ESCO2: variants seen among roughly 807,000 people sequenced by gnomAD.
ESCO2 encodes the protein establishment of sister chromatid cohesion N-acetyltransferase 2.
In ESCO2, 51 loss-of-function variants were observed where a neutral mutation model predicts 61.7. The ratio of observed to expected loss-of-function variants is 0.83; its 90% CI spans 0.66 to 1.04. ESCO2 has a LOEUF of 1.04. Among genes scored for constraint, ESCO2 ranks in the 50% least tolerant of loss-of-function variants. The pLI is 0.00. For missense variants in ESCO2, 692 were observed against 686.2 expected (o/e 1.01, Z -0.09); for synonymous variants, 230 against 238.2 (o/e 0.97, Z 0.32).
At chr8:27,788,162 A>T (rs1277042304) in intron 6 of ESCO2, among the ~76,000 whole-genome samples, 160 bp downstream of exon 6, 2 of 152,126 alleles carry the variant, frequency 1.3e-5, no homozygotes, top group Non-Finnish European at 2.9e-5. Flanking sequence ...AATATTCTTG[A>T]ATTTATCTGT....
chr8:27,777,002 C>A lies in ESCO2; in HGVS notation c.694C>A (p.Arg232Ser), dbSNP rs773712638. Reference protein sequence around the residue: ...SSLENEPSLGRTQKSKSEVIE... With the variant: ...SSLENEPSLGSTQKSKSEVIE... ...CCTGGAAAATGAGCCGTCACTGGGA[C>A]GCACCCAAAAGAGTAAATCAGAAGT... Residue 232 changes from arginine (R) to serine (S), a missense_variant, in exon 3 of 11, where the codon CGC (arginine) becomes AGC (serine). Transcript: ENST00000305188. 53 of 1,612,524 alleles carry A rather than the reference C, an allele frequency of 3.3e-5. No individual in the cohort carries two copies. The highest frequency in any genetic ancestry group is 4.4e-5 in the Non-Finnish European group (52 of 1,179,704).
chr8:27,772,561 G>A, upstream of ESCO2: 6 of 1,548,840 alleles, frequency 3.9e-6, no homozygotes, highest in Non-Finnish European at 5.2e-6. Context: ...GCGGTGCGGT[G>A]ACTCCACCGC....
rs1805521386 is a variant in ESCO2 at position 27,804,556 on chromosome 8, A to T, written c.*1118A>T. The T allele has an allele frequency of 1.0e-6, 1 of 985,320 alleles. No individual in the cohort carries two copies. Among genetic ancestry groups the T allele is most frequent in the African/African-American group, 1.7e-5 (1 of 57,244 alleles). 61.0% of individuals were successfully genotyped at this position (985,320 alleles called of 1,614,324 possible). Reference sequence around the variant, plus strand: ...CACATTTTTCTAGTGTAATTCTTGGATACTTTAAAAAGCAAAACATTGTTC... The same window carrying T: ...CACATTTTTCTAGTGTAATTCTTGGTTACTTTAAAAAGCAAAACATTGTTC... On this transcript the variant is annotated 3_prime_UTR_variant, in exon 11 of 11. Transcript: ENST00000305188.
At chr8:27,801,899 A>G (rs879696352) in intron 10 of ESCO2, among the ~76,000 whole-genome samples, 3 of 148,298 alleles carry the variant, frequency 2.0e-5, no homozygotes, top group Non-Finnish European at 4.5e-5. Flanking sequence ...GAAATTTAAT[A>G]TTGATGTAAT....
At chr8:27,798,129 T>C (rs1805342761) in intron 9 of ESCO2, among the ~76,000 whole-genome samples, 3 of 152,168 alleles carry the variant, frequency 2.0e-5, no homozygotes, top group African/African-American at 7.2e-5. Context: ...TGTAAAATAT[T>C]ACAGCCACTC....
chr8:27,818,908 T>C, the ESCO2 span, among the ~76,000 whole-genome samples: 5 of 152,180 alleles, frequency 3.3e-5, no homozygotes, highest in South Asian at 2.1e-4. Context: ...AGTGTAAGGA[T>C]AGAAAACAGC....
downstream of ESCO2, among the ~76,000 whole-genome samples, chr8:27,816,666 G>A (rs1805821338): frequency 6.6e-6 from 1 of 151,874 alleles, no homozygotes; most frequent in Non-Finnish European, 1.5e-5. Context: ...GTCAGCCACT[G>A]CGCCCAGCCA....
chr8:27,801,103 TCA>T (rs1446869195), intron 10 of ESCO2, among the ~76,000 whole-genome samples: 1 of 152,158 alleles, frequency 6.6e-6, no homozygotes, highest in Admixed American at 6.5e-5. Context: ...GAGTTATATC[TCA>T]ACCAAAAAAA....
intron 2 of ESCO2, 124 bp downstream of exon 2, chr8:27,775,691 C>G (rs1804774229): frequency 1.2e-6 from 1 of 825,370 alleles, no homozygotes; most frequent in Admixed American, 1.9e-5. Flanking sequence ...CAGTGATAAC[C>G]TGATAACCTA....
At chr8:27,772,170 G>A (rs777084366), upstream of ESCO2, 1 of 408,368 alleles carries the variant, frequency 2.4e-6, no homozygotes, top group Non-Finnish European at 4.5e-6. Flanking sequence ...CAGATGGAAG[G>A]TGGGAAGAAG....
downstream of ESCO2, among the ~76,000 whole-genome samples, chr8:27,813,320 G>A (rs936522365): frequency 2.0e-5 from 3 of 152,106 alleles, no homozygotes; most frequent in African/African-American, 7.2e-5. Context: ...GCCTGTCATG[G>A]GGTAGGGGGG....
At chr8:27,810,946 TTG>T, downstream of ESCO2, 1 of 1,470,740 alleles carries the variant, frequency 6.8e-7, no homozygotes, top group Non-Finnish European at 9.5e-7. Flanking sequence ...ATGTTAGAAA[TTG>T]TATTCATACC....
chr8:27,804,820 ATATTT>A lies in ESCO2; in HGVS notation c.*1388_*1392del. ...TATTTTCTGCACTTATTTCTTTTAA[ATATTT>A]TATTTAAAATTTTTAATTAACATTT... On this transcript the variant is annotated 3_prime_UTR_variant, in exon 11 of 11. Coordinates refer to ENST00000305188, the MANE Select transcript of ESCO2 (RefSeq NM_001017420.3). The A allele has an allele frequency of 1.1e-6, 1 of 932,548 alleles. No homozygotes were observed. The highest frequency in any genetic ancestry group is 4.9e-5 in the South Asian group (1 of 20,214). 57.8% of individuals were successfully genotyped at this position (932,548 alleles called of 1,614,324 possible). A position where few individuals can be genotyped will look rare whatever the true frequency, so the allele number is the denominator to read the frequency against.
downstream of ESCO2, among the ~76,000 whole-genome samples, chr8:27,808,684 C>CAA (rs34162059): frequency 0.012 from 1,274 of 106,538 alleles, 36 homozygotes; most frequent in African/African-American, 0.04. Flanking sequence ...GACCCTGTCT[C>CAA]AAAAAAAAAA....
chr8:27,787,549 A>G (rs1237432870), intron 5 of ESCO2, among the ~76,000 whole-genome samples: 1 of 152,206 alleles, frequency 6.6e-6, no homozygotes, highest in Non-Finnish European at 1.5e-5. Context: ...GATTTGATAA[A>G]GCAAAAAAAT....
chr8:27,813,846 T>C (rs893964999), downstream of ESCO2, among the ~76,000 whole-genome samples: 2 of 152,210 alleles, frequency 1.3e-5, no homozygotes, highest in Admixed American at 6.5e-5. Flanking sequence ...TTAGACTGAA[T>C]TGGCTAATAT....
At position 27,788,918 on chromosome 8, in the gene ESCO2, T is replaced by A; in HGVS notation, c.1203T>A (p.Pro401=). Reference sequence around the variant, plus strand: ...GTATGATATATACTGCTTCCAACCCTGAAGATGAAATGCAGCATGTACAGC... The same window carrying A: ...GTATGATATATACTGCTTCCAACCCAGAAGATGAAATGCAGCATGTACAGC... ...SCGMIYTASN[P]EDEMQHVQHH... is the part of the protein sequence containing the mutation. The change falls in exon 7 of 11, where the codon CCT becomes CCA. Residue 401 remains proline, a synonymous_variant. Coordinates refer to ENST00000305188, the MANE Select transcript of ESCO2 (RefSeq NM_001017420.3). The A allele has an allele frequency of 6.2e-7, 1 of 1,614,140 alleles. No homozygotes were observed. Among genetic ancestry groups the A allele is most frequent in the Non-Finnish European group, 8.5e-7 (1 of 1,180,000 alleles).
downstream of ESCO2, among the ~76,000 whole-genome samples, chr8:27,805,816 A>G (rs552804209): frequency 1.3e-5 from 2 of 151,978 alleles, no homozygotes; most frequent in Admixed American, 6.6e-5. Context: ...GAGTGTCACC[A>G]TGGTGCCCAG....
rs1283834370 is a variant in ESCO2 at position 27,792,813 on chromosome 8, T to C, written c.1497+2T>C. On this transcript the variant is annotated splice_donor_variant, in intron 9 of 10. Coordinates refer to ENST00000305188, the MANE Select transcript of ESCO2 (RefSeq NM_001017420.3). LOFTEE classifies it high-confidence loss of function. ...TTAATTGCAGAACCCATCAAACAGG[T>C]ATGGTATATTTGTTTTAAATTATTG... The C allele has an allele frequency of 6.3e-7, 1 of 1,591,436 alleles. No homozygotes were observed. The highest frequency in any genetic ancestry group is 2.2e-5 in the East Asian group (1 of 44,482).
Sources: gnomAD v4.1 joint callset for allele counts (sites outside exome capture counted in the v4.1 genomes callset) on GRCh38, gnomAD v4.1.1 for gene constraint, MANE v1.5 for transcripts, NCBI Gene and HGNC (gene_info 2026-07-23, HGNC 2026-07-21) for gene names.